SORBS2: variants seen among roughly 807,000 people sequenced by gnomAD.
SORBS2 encodes the protein sorbin and SH3 domain containing 2, also known as sorbin and SH3 domain-containing protein 2.
A neutral mutation model predicts 97.7 loss-of-function variants in SORBS2; 46 were observed. The observed-to-expected ratio is 0.47, with a 90% CI of 0.37 to 0.60. The LOEUF is 0.60. Ranked by LOEUF, SORBS2 falls within the 20% of genes least tolerant of loss-of-function variation. The probability of loss-of-function intolerance (pLI) is 0.00; values close to 1 mark genes in which losing one functional copy is unlikely to be tolerated. For missense variants in SORBS2, 1,316 were observed against 1,282.3 expected (o/e 1.03, Z -0.40); for synonymous variants, 476 against 473.4 (o/e 1.01, Z -0.07).
intron 1 of SORBS2, among the ~76,000 whole-genome samples, chr4:185,791,276 A>G (rs966787376): frequency 1.3e-5 from 2 of 152,346 alleles, no homozygotes; most frequent in Admixed American, 1.3e-4. Context: ...TAAATGTTTA[A>G]GAAAAAGCTT....
chr4:185,893,553 A>C (rs2099243517), intron 1 of SORBS2, among the ~76,000 whole-genome samples: 1 of 152,232 alleles, frequency 6.6e-6, no homozygotes, highest in South Asian at 2.1e-4. Context: ...TGAAGGTTTG[A>C]TAATTTGAGT....
At chr4:185,586,223 T>G (rs977042264) in exon 15 of SORBS2, 82 of 152,788 alleles carry the variant, frequency 5.4e-4, no homozygotes, top group African/African-American at 1.9e-3. Context: ...ACAGTTCTTA[T>G]GCAAAGTCAT....
At chr4:185,602,200 G>C (rs1015235705) in intron 12 of SORBS2, among the ~76,000 whole-genome samples, 8 of 152,070 alleles carry the variant, frequency 5.3e-5, no homozygotes, top group African/African-American at 1.9e-4. Context: ...GGTAGAGACG[G>C]GGTTTCACCA....
At chr4:185,616,522 T>A (rs2096629591) in intron 9 of SORBS2, among the ~76,000 whole-genome samples, 1 of 152,200 alleles carries the variant, frequency 6.6e-6, no homozygotes, top group Admixed American at 6.5e-5. Flanking sequence ...GTATGTTTTG[T>A]TTCTGGAAAT....
intron 2 of SORBS2, among the ~76,000 whole-genome samples, chr4:185,730,077 C>T (rs897812755): frequency 9.2e-5 from 14 of 152,056 alleles, no homozygotes; most frequent in Non-Finnish European, 2.1e-4. Flanking sequence ...CTCAGCCTCC[C>T]GAGTAGCTGG....
Position 185,669,902 on chromosome 4 carries a change from T to C in SORBS2, c.-45-7660A>G, listed in dbSNP as rs563068753. 3.2e-4 allele frequency among the ~76,000 whole-genome samples: 49 copies of C among 152,232 alleles called. No individual in the cohort carries two copies. The South Asian group carries it at 9.8e-3, about 30-fold the overall frequency. On this transcript the variant is annotated intron_variant, in intron 4 of 20. Coordinates refer to the SORBS2 transcript ENST00000284776. ...TTAACTGATGGCCATCTTAAATAAT[T>C]TGTAATTAATTTAAGGTGAAGTAAA... is the stretch of plus-strand genomic sequence containing the variant.
At chr4:185,672,390 G>A (rs1323243726) in intron 4 of SORBS2, among the ~76,000 whole-genome samples, 8 of 152,226 alleles carry the variant, frequency 5.3e-5, no homozygotes, top group Non-Finnish European at 7.3e-5. Context: ...ACATAGCACA[G>A]ATGCCATAGA....
intron 2 of SORBS2, among the ~76,000 whole-genome samples, chr4:185,731,856 CTCTCTCTCTCTATATATATATA>C (rs1445675562): frequency 3.3e-3 from 117 of 35,288 alleles, no homozygotes; most frequent in African/African-American, 5.5e-3. Flanking sequence ...CTCTCTCTCT[CTCTCTCTCTCTATATATATATA>C]TATATATATA....
At chr4:185,657,396 G>A (rs2097425259), upstream of SORBS2, 1 of 1,512,176 alleles carries the variant, frequency 6.6e-7, no homozygotes. Context: ...CACAGCCCCA[G>A]ACAGACGCAC....
At chr4:185,835,018 A>G (rs1262587874) in intron 1 of SORBS2, among the ~76,000 whole-genome samples, 1 of 152,156 alleles carries the variant, frequency 6.6e-6, no homozygotes, top group Non-Finnish European at 1.5e-5. Flanking sequence ...CGTGAAAGTG[A>G]GTGAGTTCCC....
intron 1 of SORBS2, among the ~76,000 whole-genome samples, chr4:185,846,781 C>T (rs781102422): frequency 4.6e-5 from 7 of 152,084 alleles, no homozygotes; most frequent in Non-Finnish European, 1.0e-4. Context: ...TCCCCCTAGG[C>T]TTGTAATTCA....
chr4:185,742,963 G>C (rs2098736519), intron 2 of SORBS2, among the ~76,000 whole-genome samples: 1 of 152,054 alleles, frequency 6.6e-6, no homozygotes, highest in Non-Finnish European at 1.5e-5. Flanking sequence ...AACCTCTAAA[G>C]AGCCCCGCGG....
intron 1 of SORBS2, among the ~76,000 whole-genome samples, chr4:185,819,447 G>A (rs2099195357): frequency 1.3e-5 from 2 of 152,166 alleles, no homozygotes; most frequent in African/African-American, 4.8e-5. Flanking sequence ...CACTTCTGCT[G>A]ATATCTCATT....
intron 4 of SORBS2, among the ~76,000 whole-genome samples, chr4:185,641,492 C>T (rs1012551323): frequency 2.6e-5 from 4 of 152,116 alleles, no homozygotes; most frequent in Non-Finnish European, 5.9e-5. Context: ...CTAAGGAACA[C>T]AGAAGCCTCG....
intron 4 of SORBS2, among the ~76,000 whole-genome samples, chr4:185,670,224 T>TA (rs919647505): frequency 1.5e-3 from 227 of 148,740 alleles, no homozygotes; most frequent in African/African-American, 5.0e-3. Flanking sequence ...GTCTCAAATT[T>TA]AAAAAAAAAA....
At chr4:185,885,917 G>A (rs1409561762) in intron 1 of SORBS2, among the ~76,000 whole-genome samples, 3 of 152,140 alleles carry the variant, frequency 2.0e-5, no homozygotes, top group Non-Finnish European at 4.4e-5. Context: ...CTGTTTTGAT[G>A]CGTAGGTGCC....
intron 1 of SORBS2, among the ~76,000 whole-genome samples, chr4:185,779,510 G>A (rs80352417): frequency 0.022 from 3,333 of 152,250 alleles, 65 homozygotes; most frequent in East Asian, 0.079. Context: ...TTTCATGGGC[G>A]TGAGTTTTTG....
At chr4:185,839,336 G>T (rs1017010905) in intron 1 of SORBS2, among the ~76,000 whole-genome samples, 2 of 152,200 alleles carry the variant, frequency 1.3e-5, no homozygotes, top group African/African-American at 4.8e-5. Flanking sequence ...TGAGTCATTA[G>T]ACCAGGACTG....
At chr4:185,910,851 A>G (rs1450853032) in intron 1 of SORBS2, among the ~76,000 whole-genome samples, 4 of 152,196 alleles carry the variant, frequency 2.6e-5, no homozygotes, top group Non-Finnish European at 5.9e-5. Flanking sequence ...ATTTCTCTAC[A>G]TCAGTAAATC....
Sources: allele counts gnomAD v4.1 joint callset (sites outside exome capture counted in the v4.1 genomes callset), GRCh38; gene constraint gnomAD v4.1.1; transcripts MANE v1.5; gene names NCBI Gene and HGNC (gene_info 2026-07-23, HGNC 2026-07-21).